KCTD9: variants seen among roughly 807,000 people sequenced by gnomAD.
The protein encoded by KCTD9 is potassium channel tetramerization domain containing 9.
In KCTD9, 17 loss-of-function variants were observed where a neutral mutation model predicts 53.3. That is an observed-to-expected ratio of 0.32 (90% CI 0.22 to 0.48). The LOEUF (loss-of-function observed/expected upper bound fraction) is 0.48. Among genes scored for constraint, KCTD9 ranks in the 20% least tolerant of loss-of-function variants. KCTD9 has a pLI of 0.99. For missense variants in KCTD9, 179 were observed against 465.5 expected (o/e 0.38, Z 5.66); for synonymous variants, 128 against 162.7 (o/e 0.79, Z 1.62).
chr8:25,440,560 C>G lies in KCTD9; in HGVS notation c.311+17G>C. 5 of 1,510,204 alleles carry G rather than the reference C, an allele frequency of 3.3e-6. No homozygotes were observed. The highest frequency in any genetic ancestry group is 4.6e-6 in the Non-Finnish European group (5 of 1,086,200). 93.6% of individuals were successfully genotyped at this position (1,510,204 alleles called of 1,614,324 possible). A position where few individuals can be genotyped will look rare whatever the true frequency, so the allele number is the denominator to read the frequency against. On this transcript the variant is annotated intron_variant, in intron 4 of 11. Coordinates refer to ENST00000221200, the MANE Select transcript of KCTD9 (RefSeq NM_017634.4). Reference sequence around the variant, plus strand: ...TCTTTTGCATTCTCTTTCTAACACACATACACACACACCTACCGTGTAGTT... The same window carrying G: ...TCTTTTGCATTCTCTTTCTAACACAGATACACACACACCTACCGTGTAGTT...
chr8:25,431,297 G>GAACT (rs1465943870), intron 11 of KCTD9, among the ~76,000 whole-genome samples: 3 of 151,916 alleles, frequency 2.0e-5, no homozygotes, highest in African/African-American at 7.3e-5. Flanking sequence ...TTATAGCAAG[G>GAACT]AACTGCCCTT....
chr8:25,458,001 G>A (rs1268357011), intron 1 of KCTD9, among the ~76,000 whole-genome samples, 198 bp downstream of exon 1: 1 of 151,436 alleles, frequency 6.6e-6, no homozygotes, highest in Admixed American at 6.6e-5. Flanking sequence ...AGGCACTGAA[G>A]GGCAGGCTCG....
intron 1 of KCTD9, chr8:25,451,549 A>C (rs1436085966): frequency 6.6e-6 from 1 of 152,150 alleles, no homozygotes; most frequent in African/African-American, 2.4e-5. Context: ...AGGCCCTAAG[A>C]ATAGAAGCAT....
intron 1 of KCTD9, chr8:25,450,288 T>G: frequency 4.1e-6 from 4 of 976,828 alleles, no homozygotes; most frequent in Non-Finnish European, 4.9e-6. Flanking sequence ...AGGTGACCAA[T>G]TATCCCTTGG....
At chr8:25,453,410 C>T (rs1398319017) in intron 1 of KCTD9, among the ~76,000 whole-genome samples, 1 of 151,216 alleles carries the variant, frequency 6.6e-6, no homozygotes, top group Non-Finnish European at 1.5e-5. Context: ...AATTCCAGCA[C>T]TTTGGGAGGC....
Position 25,445,994 on chromosome 8 carries a change from A to C in KCTD9, c.170+135T>G. The C allele has an allele frequency of 5.2e-6, 6 of 1,143,432 alleles. No homozygotes were observed. In the South Asian group the frequency reaches 1.0e-4, roughly 19 times the overall value. The allele number at this position is 1,143,432 out of a possible 1,614,324, so 70.8% of individuals were successfully genotyped here. ...CTTAAGCCCAAATGATTTAAATTCC[A>C]AAGAGCAAATTCTAGGTAAACACTT... On this transcript the variant is annotated intron_variant, in intron 2 of 11. Coordinates refer to ENST00000221200, the MANE Select transcript of KCTD9 (RefSeq NM_017634.4).
chr8:25,440,471 T>C (rs1184070437), intron 4 of KCTD9, 106 bp downstream of exon 4: 2 of 793,600 alleles, frequency 2.5e-6, no homozygotes, highest in Non-Finnish European at 4.4e-6. Context: ...ATAGTATATT[T>C]AAGCAGCATT....
chr8:25,452,667 C>T (rs191935381), intron 1 of KCTD9, among the ~76,000 whole-genome samples: 1 of 152,310 alleles, frequency 6.6e-6, no homozygotes, highest in African/African-American at 2.4e-5. Context: ...ATGCTTGCTG[C>T]TGTGTGCCAG....
At chr8:25,448,306 T>C (rs1434261016) in intron 1 of KCTD9, among the ~76,000 whole-genome samples, 1 of 152,120 alleles carries the variant, frequency 6.6e-6, no homozygotes, top group African/African-American at 2.4e-5. Flanking sequence ...TATTCTATGA[T>C]ACCACTCACA....
intron 6 of KCTD9, among the ~76,000 whole-genome samples, chr8:25,438,870 ATT>A (rs1246856249): frequency 6.6e-6 from 1 of 152,220 alleles, no homozygotes; most frequent in Non-Finnish European, 1.5e-5. Flanking sequence ...GCAAGGCATG[ATT>A]TGCCCTCTTG....
intron 3 of KCTD9, 91 bp downstream of exon 3, chr8:25,444,201 G>A (rs1802173126): frequency 2.0e-6 from 2 of 1,009,338 alleles, no homozygotes; most frequent in East Asian, 5.4e-5. Flanking sequence ...CATTTTTAAT[G>A]TTTAAGCTTA....
chr8:25,437,451 G>A (rs1802038048), intron 6 of KCTD9, among the ~76,000 whole-genome samples: 1 of 152,122 alleles, frequency 6.6e-6, no homozygotes, highest in Admixed American at 6.5e-5. Context: ...GAGGTGGGTA[G>A]ATCACTTGAG....
intron 3 of KCTD9, among the ~76,000 whole-genome samples, chr8:25,443,443 T>C (rs895702832): frequency 1.1e-4 from 16 of 151,112 alleles, no homozygotes; most frequent in Admixed American, 9.3e-4. Context: ...ATATACCAAA[T>C]ATTTTTAAAT....
intron 8 of KCTD9, among the ~76,000 whole-genome samples, 164 bp downstream of exon 8, chr8:25,436,071 C>T (rs1802010643): frequency 6.6e-6 from 1 of 152,030 alleles, no homozygotes; most frequent in Non-Finnish European, 1.5e-5. Flanking sequence ...ATCTCTTTTT[C>T]GTTAACCATT....
At chr8:25,448,555 T>TA (rs895068666) in intron 1 of KCTD9, among the ~76,000 whole-genome samples, 6 of 151,892 alleles carry the variant, frequency 4.0e-5, no homozygotes, top group Admixed American at 6.6e-5. Flanking sequence ...TTTATCACAA[T>TA]AAAAAAAATA....
At chr8:25,452,418 CCAA>C (rs1802345556) in intron 1 of KCTD9, among the ~76,000 whole-genome samples, 1 of 152,048 alleles carries the variant, frequency 6.6e-6, no homozygotes, top group African/African-American at 2.4e-5. Context: ...ATTCTAACAC[CCAA>C]TAATTACAAC....
At chr8:25,439,530 G>A in intron 5 of KCTD9, 76 bp downstream of exon 5, 1 of 1,580,232 alleles carries the variant, frequency 6.3e-7, no homozygotes, top group Non-Finnish European at 8.7e-7. Context: ...AGTAAGTACA[G>A]AAGGTCAGGA....
At chr8:25,449,307 T>C (rs1296370306) in intron 1 of KCTD9, among the ~76,000 whole-genome samples, 4 of 152,224 alleles carry the variant, frequency 2.6e-5, no homozygotes, top group Non-Finnish European at 5.9e-5. Flanking sequence ...TCCCTCTTAT[T>C]TACCTCTGGC....
chr8:25,452,264 A>T (rs73220077), intron 1 of KCTD9, among the ~76,000 whole-genome samples: 51,835 of 152,086 alleles, frequency 0.34, 9,119 homozygotes, highest in African/African-American at 0.43. Flanking sequence ...AGAAAATTTT[A>T]AAATGGAAAA....
Sources: allele counts gnomAD v4.1 joint callset (sites outside exome capture counted in the v4.1 genomes callset), GRCh38; gene constraint gnomAD v4.1.1; transcripts MANE v1.5; gene names NCBI Gene and HGNC (gene_info 2026-07-23, HGNC 2026-07-21).